Variants in SYT13 observed in about 807,000 individuals in gnomAD.
SYT13 encodes synaptotagmin-13.
Under a neutral mutation model 38.6 loss-of-function variants are expected in SYT13, and 21 were observed. That is an observed-to-expected ratio of 0.54 (90% CI 0.39 to 0.78). The LOEUF is 0.78. Among genes scored for constraint, SYT13 ranks in the 30% least tolerant of loss-of-function variants. SYT13 has a pLI of 0.00. For synonymous variants in SYT13, 241 were observed against 237.6 expected (o/e 1.01, Z -0.13); for missense variants, 495 against 548.7 (o/e 0.90, Z 0.98).
chr11:45,284,778 C>G (rs932393391), intron 1 of SYT13, among the ~76,000 whole-genome samples: 1 of 152,180 alleles, frequency 6.6e-6, no homozygotes, highest in Non-Finnish European at 1.5e-5. Context: ...CTCCCAACAC[C>G]TGGCCAGTGG....
chr11:45,244,038 A>T lies in SYT13; in HGVS notation c.*14T>A, dbSNP rs1488106190. On this transcript the variant is annotated 3_prime_UTR_variant, in exon 6 of 6. Coordinates refer to ENST00000020926, the MANE Select transcript of SYT13 (RefSeq NM_020826.3). ...GTCAGGGCTGTCCAAGAAGGGAGGC[A>T]GCTGGGCAGCTGGTTACAGGTGCAG... The T allele has an allele frequency of 6.3e-7, 1 of 1,581,870 alleles. No homozygotes were observed. The highest frequency in any genetic ancestry group is 2.1e-4 in the Middle Eastern group (1 of 4,860).
At chr11:45,280,270 G>A (rs537597401) in intron 1 of SYT13, among the ~76,000 whole-genome samples, 13 of 152,192 alleles carry the variant, frequency 8.5e-5, no homozygotes, top group East Asian at 5.8e-4. Flanking sequence ...TGGTCTTAAC[G>A]TCCCAATCCC....
rs186625650 is a variant in SYT13, at chr11:45,253,257, G to A, written c.545-535C>T. ...GCTCTTCAGGGATCGTTTGGAAAGTGGTAGCTGACATTTCACAAGAAGAGA... is the reference window on the plus strand; with the variant it reads ...GCTCTTCAGGGATCGTTTGGAAAGTAGTAGCTGACATTTCACAAGAAGAGA... On this transcript the variant is annotated intron_variant, in intron 3 of 5. Coordinates refer to ENST00000020926, the MANE Select transcript of SYT13 (RefSeq NM_020826.3). Among the ~76,000 whole-genome samples, 175 of 152,266 alleles carry A rather than the reference G, an allele frequency of 1.1e-3. 1 individual carries two copies. The highest frequency in any genetic ancestry group is 4.0e-3 in the African/African-American group (168 of 41,554).
At chr11:45,263,612 G>A (rs958418963) in intron 1 of SYT13, among the ~76,000 whole-genome samples, 5 of 152,198 alleles carry the variant, frequency 3.3e-5, no homozygotes, top group African/African-American at 9.7e-5. Flanking sequence ...GCTGCTGCTG[G>A]GGTCTATAGT....
Position 45,244,220 on chromosome 11 carries a change from G to A in SYT13, c.1113C>T (p.Ala371=), listed in dbSNP as rs778881382. The A allele has an allele frequency of 3.1e-6, 5 of 1,613,910 alleles. No individual in the cohort carries two copies. The highest frequency in any genetic ancestry group is 4.5e-5 in the East Asian group (2 of 44,888). ...CCAGCACTTCCAGCTCCACACTGGA[G>A]GCCTGCAGCAGGTCGTCAGGCAGCT... ...MFELPDDLLQ[A]SSVELEVLGQ... Residue 371 remains alanine, a synonymous_variant, in exon 6 of 6, where the codon GCC becomes GCT. Transcript: ENST00000020926.
At chr11:45,281,528 G>T (rs183458417) in intron 1 of SYT13, among the ~76,000 whole-genome samples, 1 of 152,102 alleles carries the variant, frequency 6.6e-6, no homozygotes, top group South Asian at 2.1e-4. Flanking sequence ...ATTGCTAGGC[G>T]TTGTGGTGCA....
intron 1 of SYT13, among the ~76,000 whole-genome samples, chr11:45,283,525 C>G (rs1297075537): frequency 6.6e-6 from 1 of 152,200 alleles, no homozygotes; most frequent in Non-Finnish European, 1.5e-5. Context: ...AATTGGTTGT[C>G]TTTTCTCTAT....
intron 1 of SYT13, among the ~76,000 whole-genome samples, chr11:45,262,721 TCACA>T (rs71451610): frequency 0.02 from 1,535 of 78,234 alleles, 33 homozygotes; most frequent in African/African-American, 0.046. Context: ...GGAGATCCTA[TCACA>T]CACACACACA....
intron 1 of SYT13, among the ~76,000 whole-genome samples, chr11:45,270,467 C>T (rs2135904829): frequency 6.6e-6 from 1 of 152,232 alleles, no homozygotes; most frequent in African/African-American, 2.4e-5. Flanking sequence ...CTATGGTGTT[C>T]AGGCAATTGA....
chr11:45,270,521 A>C (rs1397910795), intron 1 of SYT13, among the ~76,000 whole-genome samples: 1 of 152,244 alleles, frequency 6.6e-6, no homozygotes, highest in Non-Finnish European at 1.5e-5. Flanking sequence ...TTATTGTGCC[A>C]ATATATTATA....
In SYT13 at chr11:45,243,158, A is replaced by T. The variant is rs1396819549; in HGVS notation, c.*894T>A. On this transcript the variant is annotated 3_prime_UTR_variant, in exon 6 of 6. Transcript: ENST00000020926. ...CAGGAGATCCCACCTGTACTTTGTT[A>T]GGGATGGTCTCCCCAAGGATAATAG... 1 of 152,254 alleles carries T rather than the reference A, an allele frequency of 6.6e-6. No individual in the cohort carries two copies. The highest frequency in any genetic ancestry group is 1.5e-5 in the Non-Finnish European group (1 of 68,034). The allele number at this position is 152,254 out of a possible 1,614,324, so 9.4% of individuals were successfully genotyped here. A position where few individuals can be genotyped will look rare whatever the true frequency, so the allele number is the denominator to read the frequency against.
intron 4 of SYT13, among the ~76,000 whole-genome samples, chr11:45,247,902 T>C (rs1453643603): frequency 6.6e-6 from 1 of 152,176 alleles, no homozygotes. Context: ...TATCAGAGGA[T>C]GAAGTGAGAA....
Position 45,252,382 on chromosome 11 carries a change from C to T in SYT13, c.846+39G>A, listed in dbSNP as rs149815676. The stretch of plus-strand genomic sequence containing the variant: ...CCAGGTTCTGCCATCCCATGCTGCA[C>T]GGGCAGGTTTTACCTTTCTAACCCA... On this transcript the variant is annotated intron_variant, in intron 4 of 5. Transcript: ENST00000020926. This position sits in a 1 kb window ranked among gnomAD's most constrained non-coding sequence, Gnocchi z 4.3. 3.7e-4 allele frequency: 567 copies of T among 1,519,784 alleles called. 2 individuals are homozygous for T. The African/African-American group carries it at 6.7e-3, about 18-fold the overall frequency. 94.1% of individuals were successfully genotyped at this position (1,519,784 alleles called of 1,614,324 possible). A position where few individuals can be genotyped will look rare whatever the true frequency, so the allele number is the denominator to read the frequency against.
intron 4 of SYT13, among the ~76,000 whole-genome samples, chr11:45,250,902 C>T (rs2863178): frequency 0.42 from 63,634 of 151,800 alleles, 13,593 homozygotes; most frequent in Non-Finnish European, 0.46. Flanking sequence ...CACAGGATTT[C>T]GAGTCAGACC....
At chr11:45,285,946 T>C (rs1855129584) in intron 1 of SYT13, 79 bp downstream of exon 1, 1 of 1,455,006 alleles carries the variant, frequency 6.9e-7, no homozygotes, top group Admixed American at 2.1e-5. Context: ...CACGACCGCC[T>C]CCCACCCCAG....
chr11:45,262,721 TCA>T (rs71451610), intron 1 of SYT13, among the ~76,000 whole-genome samples: 1,612 of 78,228 alleles, frequency 0.021, 24 homozygotes, highest in African/African-American at 0.04. Flanking sequence ...GGAGATCCTA[TCA>T]CACACACACA....
chr11:45,245,449 G>A (rs993215651), intron 5 of SYT13, among the ~76,000 whole-genome samples: 19 of 152,330 alleles, frequency 1.2e-4, no homozygotes, highest in African/African-American at 4.6e-4. Flanking sequence ...AAGGGAATGA[G>A]ATAAAAGCAT....
Position 45,244,127 on chromosome 11 carries a change from A to G in SYT13, c.1206T>C (p.Ser402=). ...GCATCTCCTCCCAGTGGCTGCGCTC[A>G]GAGCCCGAGGTGTGCAGGCCCAGGC... ...HCSLGLHTSG[S]ERSHWEEMLK... The change falls in exon 6 of 6, where the codon TCT becomes TCC. Residue 402 remains serine, a synonymous_variant. Coordinates refer to ENST00000020926, the MANE Select transcript of SYT13 (RefSeq NM_020826.3). 2 of 1,613,232 alleles carry G rather than the reference A, an allele frequency of 1.2e-6. No homozygotes were observed. The highest frequency in any genetic ancestry group is 1.7e-6 in the Non-Finnish European group (2 of 1,179,812).
chr11:45,281,632 A>G (rs1855074693), intron 1 of SYT13, among the ~76,000 whole-genome samples: 1 of 147,474 alleles, frequency 6.8e-6, no homozygotes, highest in African/African-American at 2.5e-5. Flanking sequence ...ATGCCACTGT[A>G]CTCCATCCTG....
Sources: allele counts gnomAD v4.1 joint callset (sites outside exome capture counted in the v4.1 genomes callset), GRCh38; gene constraint gnomAD v4.1.1; non-coding constraint Gnocchi (gnomAD v3.1); transcripts MANE v1.5; gene names NCBI Gene and HGNC (gene_info 2026-07-23, HGNC 2026-07-21).